Variants in SLC30A8 observed in about 807,000 individuals in gnomAD.
SLC30A8 encodes solute carrier family 30 member 8.
In SLC30A8, 27 loss-of-function variants were observed where a neutral mutation model predicts 36.9. The ratio of observed to expected loss-of-function variants is 0.73; its 90% CI spans 0.54 to 1.01. The LOEUF is 1.01. Among genes scored for constraint, SLC30A8 ranks in the 50% least tolerant of loss-of-function variants. The probability of loss-of-function intolerance (pLI) is 0.00; values close to 1 mark genes in which losing one functional copy is unlikely to be tolerated. For missense variants in SLC30A8, 439 were observed against 452.0 expected, an observed-to-expected ratio of 0.97 and a Z score of 0.26; for synonymous variants, 164 against 172.4, an observed-to-expected ratio of 0.95 and a Z score of 0.38.
intron 2 of SLC30A8, among the ~76,000 whole-genome samples, chr8:117,058,821 C>G (rs995743485): frequency 3.9e-5 from 6 of 152,202 alleles, no homozygotes; most frequent in African/African-American, 1.4e-4. Context: ...CACACACCCA[C>G]TCACCCATTC....
At chr8:117,099,694 A>T (rs1819624231) in intron 2 of SLC30A8, among the ~76,000 whole-genome samples, 1 of 152,232 alleles carries the variant, frequency 6.6e-6, no homozygotes, top group South Asian at 2.1e-4. Flanking sequence ...CTAGATAATT[A>T]TGAATAAGAT....
At chr8:117,091,688 C>T (rs1205325128) in intron 2 of SLC30A8, among the ~76,000 whole-genome samples, 1 of 152,116 alleles carries the variant, frequency 6.6e-6, no homozygotes, top group African/African-American at 2.4e-5. Context: ...CCTCAGAAAT[C>T]CCGTTATGTA....
intron 1 of SLC30A8, among the ~76,000 whole-genome samples, chr8:117,017,229 T>C (rs143082451): frequency 6.6e-6 from 1 of 152,300 alleles, no homozygotes; most frequent in East Asian, 1.9e-4. Flanking sequence ...ATTGCTGCTG[T>C]TATTAATATT....
intron 5 of SLC30A8, 126 bp from the exon 6 acceptor site, chr8:117,163,299 C>T (rs1822887113): frequency 4.5e-6 from 3 of 659,652 alleles, no homozygotes; most frequent in South Asian, 2.3e-5. Flanking sequence ...TTGGATGACA[C>T]ATGTCAAAAG....
chr8:117,159,604 A>G (rs1445387501), intron 4 of SLC30A8, among the ~76,000 whole-genome samples: 1 of 152,264 alleles, frequency 6.6e-6, no homozygotes, highest in Non-Finnish European at 1.5e-5. Flanking sequence ...TGTGTTTCAC[A>G]TTGGCACTGG....
intron 3 of SLC30A8, among the ~76,000 whole-genome samples, chr8:117,154,581 C>T (rs1822377064): frequency 6.6e-6 from 1 of 152,138 alleles, no homozygotes; most frequent in Non-Finnish European, 1.5e-5. Context: ...GACTTGCTTC[C>T]CTTTAACATT....
chr8:117,164,776 T>C (rs1370686046), intron 6 of SLC30A8, among the ~76,000 whole-genome samples: 1 of 152,134 alleles, frequency 6.6e-6, no homozygotes, highest in Non-Finnish European at 1.5e-5. Flanking sequence ...GGCCTGCTCT[T>C]AGCCCCGAGT....
At chr8:117,093,771 T>C (rs1265957047) in intron 2 of SLC30A8, among the ~76,000 whole-genome samples, 2 of 152,194 alleles carry the variant, frequency 1.3e-5, no homozygotes, top group Non-Finnish European at 2.9e-5. Flanking sequence ...TTGGGCCCTC[T>C]GGACTCATTC....
At chr8:117,001,750 A>G (rs1816017920) in intron 1 of SLC30A8, among the ~76,000 whole-genome samples, 2 of 152,230 alleles carry the variant, frequency 1.3e-5, no homozygotes, top group African/African-American at 4.8e-5. Context: ...TCCTCCAGAT[A>G]TGCTGGTTTA....
At chr8:117,089,280 T>C (rs1819011322) in intron 2 of SLC30A8, among the ~76,000 whole-genome samples, 1 of 152,218 alleles carries the variant, frequency 6.6e-6, no homozygotes, top group East Asian at 1.9e-4. Flanking sequence ...AGCTCTTGAC[T>C]TATATAACTG....
chr8:117,065,795 C>T (rs1318799251), intron 2 of SLC30A8, among the ~76,000 whole-genome samples: 1 of 152,176 alleles, frequency 6.6e-6, no homozygotes, highest in Non-Finnish European at 1.5e-5. Context: ...ATAGTTAATA[C>T]AGGCCTTGAA....
At chr8:117,125,818 A>C (rs1463013828) in intron 2 of SLC30A8, among the ~76,000 whole-genome samples, 1 of 152,034 alleles carries the variant, frequency 6.6e-6, no homozygotes, top group African/African-American at 2.4e-5. Flanking sequence ...AATGTACTTA[A>C]ATTTAAATAG....
chr8:117,049,709 A>G (rs1047150882), intron 2 of SLC30A8, among the ~76,000 whole-genome samples: 2 of 152,208 alleles, frequency 1.3e-5, no homozygotes, highest in African/African-American at 4.8e-5. Context: ...TCCTGAAATG[A>G]TAGGTCTCTT....
chr8:117,116,939 C>T (rs1226856832), intron 2 of SLC30A8, among the ~76,000 whole-genome samples: 2 of 152,006 alleles, frequency 1.3e-5, no homozygotes, highest in African/African-American at 4.8e-5. Context: ...GAAACTACCC[C>T]ACCTATACAG....
intron 1 of SLC30A8, among the ~76,000 whole-genome samples, chr8:117,023,638 G>T (rs566362016): frequency 6.7e-6 from 1 of 148,866 alleles, no homozygotes; most frequent in South Asian, 2.1e-4. Context: ...ACCAAACACC[G>T]CATGTTCTCA....
At chr8:116,977,233 C>G (rs1340206171) in intron 1 of SLC30A8, among the ~76,000 whole-genome samples, 1 of 136,114 alleles carries the variant, frequency 7.3e-6, no homozygotes. Flanking sequence ...ACTGCAAGCT[C>G]CGCCTCCTGG....
At chr8:117,129,150 T>G (rs1821032545) in intron 2 of SLC30A8, among the ~76,000 whole-genome samples, 1 of 152,002 alleles carries the variant, frequency 6.6e-6, no homozygotes, top group Admixed American at 6.6e-5. Context: ...AGCTAATGAC[T>G]ATGTTGAATA....
intron 1 of SLC30A8, among the ~76,000 whole-genome samples, chr8:117,139,404 G>A (rs1452945821): frequency 6.6e-6 from 1 of 152,024 alleles, no homozygotes. Context: ...AGGAAGTAAC[G>A]AAAAGGCAAG....
At position 117,176,393 on chromosome 8, in the gene SLC30A8, C is replaced by T. The variant is rs1586630915; in HGVS notation, c.*3712C>T. The T allele has an allele frequency of 1.3e-5, 2 of 152,516 alleles. No individual in the cohort carries two copies. The highest frequency in any genetic ancestry group is 4.2e-4 in the South Asian group (2 of 4,814). 9.4% of individuals were successfully genotyped at this position (152,516 alleles called of 1,614,324 possible). ...AGGAAATGATTTTCTCAGCTCATCTCTCTGTATTCCCTGTTTTGGATCACA... is the reference window on the plus strand; with the variant it reads ...AGGAAATGATTTTCTCAGCTCATCTTTCTGTATTCCCTGTTTTGGATCACA... On this transcript the variant is annotated 3_prime_UTR_variant, in exon 8 of 8. Transcript: ENST00000456015.
Sources: allele counts gnomAD v4.1 joint callset (sites outside exome capture counted in the v4.1 genomes callset), GRCh38; gene constraint gnomAD v4.1.1; transcripts MANE v1.5; gene names NCBI Gene and HGNC (gene_info 2026-07-23, HGNC 2026-07-21).